Variants in CTNND2 observed in about 807,000 individuals in gnomAD.
The protein encoded by CTNND2 is catenin delta-2.
Under a neutral mutation model 144.4 loss-of-function variants are expected in CTNND2, and 22 were observed. That is an observed-to-expected ratio of 0.15 (90% CI 0.11 to 0.22). The LOEUF (loss-of-function observed/expected upper bound fraction) is 0.22, where lower values mean the gene tolerates loss of function less well. Among genes scored for constraint, CTNND2 ranks in the 10% least tolerant of loss-of-function variants. CTNND2 has a pLI of 1.00. For synonymous variants in CTNND2, 751 were observed against 695.6 expected, an observed-to-expected ratio of 1.08 and a Z score of -1.25; for missense variants, 1,353 against 1,618.8, an observed-to-expected ratio of 0.84 and a Z score of 2.82.
intron 1 of CTNND2, among the ~76,000 whole-genome samples, chr5:11,885,436 A>G (rs563963581): frequency 2.6e-5 from 4 of 152,306 alleles, no homozygotes; most frequent in African/African-American, 7.2e-5. Flanking sequence ...GTCAAAAACT[A>G]TAAAAAAGAG....
chr5:11,800,461 C>T (rs1288892033), intron 1 of CTNND2, among the ~76,000 whole-genome samples: 3 of 152,022 alleles, frequency 2.0e-5, no homozygotes, highest in African/African-American at 4.8e-5. Flanking sequence ...TGTTATTGAG[C>T]GTGATGATCT....
chr5:11,264,311 G>C (rs886560505), intron 9 of CTNND2, among the ~76,000 whole-genome samples: 1 of 152,146 alleles, frequency 6.6e-6, no homozygotes, highest in Admixed American at 6.5e-5. Flanking sequence ...AAGTTATGAG[G>C]TCATATTGGA....
intron 2 of CTNND2, among the ~76,000 whole-genome samples, chr5:11,584,431 G>GC (rs1561589102): frequency 5.5e-5 from 8 of 145,842 alleles, no homozygotes; most frequent in Non-Finnish European, 1.2e-4. Context: ...TTTTTGGGGG[G>GC]GGGGAGGAGG....
At chr5:11,821,531 A>T (rs913435816) in intron 1 of CTNND2, among the ~76,000 whole-genome samples, 1 of 152,170 alleles carries the variant, frequency 6.6e-6, no homozygotes, top group Non-Finnish European at 1.5e-5. Context: ...AAAATAGCAA[A>T]ACCAAAAAAA....
At chr5:11,617,262 T>C (rs894207784) in intron 2 of CTNND2, among the ~76,000 whole-genome samples, 2 of 152,226 alleles carry the variant, frequency 1.3e-5, no homozygotes, top group African/African-American at 4.8e-5. Context: ...CTTTGAGTCA[T>C]TGACCTCTAC....
chr5:11,054,270 A>G (rs1305371751), intron 16 of CTNND2, among the ~76,000 whole-genome samples: 2 of 152,200 alleles, frequency 1.3e-5, no homozygotes, highest in African/African-American at 2.4e-5. Flanking sequence ...TGTGTCTTCA[A>G]TGGCTTCTAA....
intron 13 of CTNND2, among the ~76,000 whole-genome samples, chr5:11,115,516 C>T (rs144492804): frequency 5.9e-5 from 9 of 152,302 alleles, no homozygotes; most frequent in South Asian, 2.1e-4. Flanking sequence ...TGAAAACACA[C>T]GTGTCTATTA....
At position 11,503,344 on chromosome 5, in the gene CTNND2, C is replaced by G. The variant is rs535601067; in HGVS notation, c.287+61600G>C. ...GCTCGGACAAAAACAAACTATGACT[C>G]TAAACTCTTACTTCTTCTAGGCTAT... On this transcript the variant is annotated intron_variant, in intron 3 of 21. Coordinates refer to ENST00000304623, the MANE Select transcript of CTNND2 (RefSeq NM_001332.4). 2.6e-5 allele frequency among the ~76,000 whole-genome samples: 4 copies of G among 152,304 alleles called. No individual in the cohort carries two copies. In the South Asian group the frequency reaches 8.3e-4, roughly 32 times the overall value.
chr5:11,763,192 A>C (rs892096034), intron 1 of CTNND2, among the ~76,000 whole-genome samples: 1 of 152,172 alleles, frequency 6.6e-6, no homozygotes, highest in Non-Finnish European at 1.5e-5. Flanking sequence ...AGGCCTCTCC[A>C]GCCATGATTC....
At chr5:11,862,825 G>A (rs903582680) in intron 1 of CTNND2, among the ~76,000 whole-genome samples, 2 of 152,126 alleles carry the variant, frequency 1.3e-5, no homozygotes, top group African/African-American at 4.8e-5. Context: ...TGCTGTCAGT[G>A]CACAGAAGAT....
chr5:11,418,430 A>AAAAAC (rs1428861633), intron 3 of CTNND2, among the ~76,000 whole-genome samples: 7 of 152,158 alleles, frequency 4.6e-5, no homozygotes, highest in African/African-American at 9.7e-5. Flanking sequence ...AACAAAACAA[A>AAAAAC]AAAACAAAAT....
intron 1 of CTNND2, among the ~76,000 whole-genome samples, chr5:11,753,842 T>A (rs1302640920): frequency 6.6e-6 from 1 of 151,764 alleles, no homozygotes; most frequent in East Asian, 1.9e-4. Flanking sequence ...CTGATTCAAT[T>A]TTGGAACTCA....
intron 11 of CTNND2, among the ~76,000 whole-genome samples, chr5:11,173,320 T>A (rs1760124778): frequency 6.6e-6 from 1 of 152,230 alleles, no homozygotes; most frequent in South Asian, 2.1e-4. Context: ...GAGCAGCCTC[T>A]CTTCACGGCT....
At chr5:11,813,304 T>A (rs962086462) in intron 1 of CTNND2, among the ~76,000 whole-genome samples, 2 of 152,196 alleles carry the variant, frequency 1.3e-5, no homozygotes, top group Non-Finnish European at 2.9e-5. Flanking sequence ...TGCCTCATGA[T>A]GCATTTCTCA....
intron 3 of CTNND2, among the ~76,000 whole-genome samples, chr5:11,451,025 A>G (rs1381713628): frequency 6.6e-6 from 1 of 151,856 alleles, no homozygotes; most frequent in Non-Finnish European, 1.5e-5. Flanking sequence ...GGTTTAGGCA[A>G]CCTCTTTTGG....
intron 3 of CTNND2, among the ~76,000 whole-genome samples, chr5:11,545,531 G>A (rs376056782): frequency 6.0e-5 from 9 of 151,158 alleles, no homozygotes; most frequent in African/African-American, 1.9e-4. Flanking sequence ...GCATGGTGGC[G>A]GGTGCCTGTA....
chr5:11,019,713 G>A (rs893333411), intron 17 of CTNND2, among the ~76,000 whole-genome samples: 1 of 152,186 alleles, frequency 6.6e-6, no homozygotes, highest in Non-Finnish European at 1.5e-5. Flanking sequence ...GGACAATTGT[G>A]TGTTTCTAAT....
chr5:11,344,277 A>T (rs1304504695), intron 9 of CTNND2, among the ~76,000 whole-genome samples: 1 of 152,142 alleles, frequency 6.6e-6, no homozygotes, highest in African/African-American at 2.4e-5. Context: ...CTGTAGTCCC[A>T]GCTACTCGGG....
intron 10 of CTNND2, among the ~76,000 whole-genome samples, chr5:11,219,914 C>G (rs955868333): frequency 6.6e-6 from 1 of 152,120 alleles, no homozygotes; most frequent in East Asian, 1.9e-4. Context: ...TAGAGTTGTT[C>G]TAGCCTGTGA....
Sources: gnomAD v4.1 joint callset for allele counts (sites outside exome capture counted in the v4.1 genomes callset) on GRCh38, gnomAD v4.1.1 for gene constraint, MANE v1.5 for transcripts, NCBI Gene and HGNC (gene_info 2026-07-23, HGNC 2026-07-21) for gene names.